Variants in AEBP1 observed in about 807,000 individuals in gnomAD.
The protein encoded by AEBP1 is AE binding protein 1, also known as adipocyte enhancer-binding protein 1.
AEBP1 carries 69 observed loss-of-function variants against 116.5 expected under a neutral mutation model. The observed-to-expected ratio is 0.59, with a 90% CI of 0.49 to 0.72. The LOEUF (loss-of-function observed/expected upper bound fraction) is 0.72, where lower values mean the gene tolerates loss of function less well. Among genes scored for constraint, AEBP1 ranks in the 30% least tolerant of loss-of-function variants. AEBP1 has a pLI of 0.00. For missense variants in AEBP1, 1,444 were observed against 1,557.5 expected, an observed-to-expected ratio of 0.93 and a Z score of 1.23; for synonymous variants, 627 against 627.3, an observed-to-expected ratio of 1.00 and a Z score of 0.01.
rs764989792 is a variant in AEBP1 at position 44,104,638 on chromosome 7, C to T, written c.-28C>T. 3 of 1,422,056 alleles carry T rather than the reference C, an allele frequency of 2.1e-6. No homozygotes were observed. In the South Asian group the frequency reaches 4.6e-5, roughly 22 times the overall value. 88.1% of individuals were successfully genotyped at this position (1,422,056 alleles called of 1,614,324 possible). On this transcript the variant is annotated 5_prime_UTR_variant, in exon 1 of 21. Coordinates refer to ENST00000223357, the MANE Select transcript of AEBP1 (RefSeq NM_001129.5). ...AGAGCCCCTGACCCCCCGCGCCCTC[C>T]CCGGAGCCCCCCGCGCGTGCCGCGG...
At position 44,113,083 on chromosome 7, in the gene AEBP1, C is replaced by T; in HGVS notation, c.2662C>T (p.Arg888Cys). 1 of 1,614,016 alleles carries T rather than the reference C, an allele frequency of 6.2e-7. No individual in the cohort carries two copies. Among genetic ancestry groups the T allele is most frequent in the Non-Finnish European group, 8.5e-7 (1 of 1,180,002 alleles). ...GTTCCCTCATGAGAGTGAGCTGCCC[C>T]GCGAGTGGGAGAACAACAAGGAGGC... ...DKFPHESELP[R>C]EWENNKEALL... is the part of the protein sequence containing the mutation. The change falls in exon 19 of 21, where the codon CGC becomes TGC. Residue 888 changes from arginine (R) to cysteine (C), a missense_variant. Transcript: ENST00000223357. This position sits in a 1 kb window ranked among gnomAD's most constrained non-coding sequence, Gnocchi z 5.3.
At chr7:44,109,415 G>A in intron 9 of AEBP1, 74 bp downstream of exon 9, 1 of 1,420,532 alleles carries the variant, frequency 7.0e-7, no homozygotes, top group East Asian at 2.3e-5. Context: ...CTGGCCCAAT[G>A]TCACAAACAG....
rs1410082819 is a variant in AEBP1 at position 44,107,767 on chromosome 7, A to G, written c.740-42A>G. 2 of 1,612,580 alleles carry G rather than the reference A, an allele frequency of 1.2e-6. No individual in the cohort carries two copies. Among genetic ancestry groups the G allele is most frequent in the Non-Finnish European group, 1.7e-6 (2 of 1,179,756 alleles). ...GCCTGGGGGATGTGCCAATGGGCCCATCCCAGCCTTGGGCCCCACTCTGAG... is the reference window on the plus strand; with the variant it reads ...GCCTGGGGGATGTGCCAATGGGCCCGTCCCAGCCTTGGGCCCCACTCTGAG... On this transcript the variant is annotated intron_variant, in intron 4 of 20. Transcript: ENST00000223357. This position sits in a 1 kb window ranked among gnomAD's most constrained non-coding sequence, Gnocchi z 4.3.
rs747658564 is a variant in AEBP1, at chr7:44,107,827, A to T, written c.758A>T (p.Gln253Leu). ...DYEDFEYIRR[Q>L]KQPRPPPSRR... is the part of the protein sequence containing the mutation. The stretch of plus-strand genomic sequence containing the variant: ...CCCTCAGTTGAGTACATTCGGCGCC[A>T]GAAGCAACCCAGGCCACCCCCAAGC... Residue 253 changes from glutamine to leucine, a missense_variant, in exon 5 of 21, where the codon CAG (glutamine) becomes CTG (leucine). Transcript: ENST00000223357. This position sits in a 1 kb window ranked among gnomAD's most constrained non-coding sequence, Gnocchi z 4.3. 1 of 1,611,722 alleles carries T rather than the reference A, an allele frequency of 6.2e-7. No individual in the cohort carries two copies. The highest frequency in any genetic ancestry group is 1.1e-5 in the South Asian group (1 of 90,962).
At position 44,110,985 on chromosome 7, in the gene AEBP1, A is replaced by T; in HGVS notation, c.1558A>T (p.Ile520Phe). The T allele has an allele frequency of 1.2e-6, 2 of 1,613,824 alleles. No homozygotes were observed. The highest frequency in any genetic ancestry group is 1.7e-6 in the Non-Finnish European group (2 of 1,179,968). Residue 520 changes from isoleucine (I) to phenylalanine (F), a missense_variant, in exon 13 of 21, where the codon ATC becomes TTC. Ile to Phe is a conservative substitution (Grantham distance 21). Transcript: ENST00000223357. ...CCCAGAGCCGGTGGTGGCTCGTTTC[A>T]TCCGCATCTACCCACTCACCTGGAA... Reference protein sequence around the residue: ...ELPEPVVARFIRIYPLTWNGS... With the variant: ...ELPEPVVARFFRIYPLTWNGS...
rs151068311 is a variant in AEBP1 at position 44,107,684 on chromosome 7, G to C, written c.723G>C (p.Arg241Ser). 3.1e-6 allele frequency: 5 copies of C among 1,613,634 alleles called. No homozygotes were observed. In the African/African-American group the frequency reaches 4.0e-5, roughly 13 times the overall value. ...TGGACTACAATGACCAGATCGAGAG[G>C]GAGGACTATGAGGACTGTGAGTAGG... is the stretch of plus-strand genomic sequence containing the variant. ...PTLDYNDQIEREDYEDFEYIR... is the reference protein window; with the variant it reads ...PTLDYNDQIESEDYEDFEYIR... The change falls in exon 4 of 21, where the codon AGG (arginine) becomes AGC (serine). Residue 241 changes from arginine to serine, a missense_variant. Physicochemically the swap from Arg to Ser is moderately radical, Grantham distance 110 (BLOSUM62 -1). Coordinates refer to ENST00000223357, the MANE Select transcript of AEBP1 (RefSeq NM_001129.5). This position sits in a 1 kb window ranked among gnomAD's most constrained non-coding sequence, Gnocchi z 4.3.
Position 44,114,012 on chromosome 7 carries a change from T to TG in AEBP1, c.3230dup (p.Trp1078LeufsTer7). On this transcript the variant is annotated frameshift_variant, in exon 21 of 21. Transcript: ENST00000223357. LOFTEE classifies it low-confidence loss of function (END_TRUNC). ...GGGGCCTCATACCGCCAACCACCGCTGGCTGGGAGGAGTCGGAGACTGAGA... is the reference window on the plus strand; with the variant it reads ...GGGGCCTCATACCGCCAACCACCGCTGGGCTGGGAGGAGTCGGAGACTGAGA... The TG allele has an allele frequency of 6.2e-7, 1 of 1,613,604 alleles. No individual in the cohort carries two copies. The highest frequency in any genetic ancestry group is 8.5e-7 in the Non-Finnish European group (1 of 1,179,834).
Position 44,111,085 on chromosome 7 carries a change from T to G in AEBP1, c.1630+28T>G, listed in dbSNP as rs775426211. On this transcript the variant is annotated intron_variant, in intron 13 of 20. Transcript: ENST00000223357. This position sits in a 1 kb window ranked among gnomAD's most constrained non-coding sequence, Gnocchi z 4.7. ...GAGTGTGGAGGGCTGGCAGGGGCTC[T>G]GAGTGGAGGTGGGGTGCTAGGGTGG... 1 of 1,598,684 alleles carries G rather than the reference T, an allele frequency of 6.3e-7. No homozygotes were observed. Among genetic ancestry groups the G allele is most frequent in the Non-Finnish European group, 8.5e-7 (1 of 1,170,576 alleles).
rs2096225111 is a variant in AEBP1, at chr7:44,108,137, G to A, written c.940+53G>A. The A allele has an allele frequency of 6.5e-6, 10 of 1,532,814 alleles. No homozygotes were observed. The highest frequency in any genetic ancestry group is 8.8e-6 in the Non-Finnish European group (10 of 1,132,260). The allele number at this position is 1,532,814 out of a possible 1,614,324, so 95.0% of individuals were successfully genotyped here. On this transcript the variant is annotated intron_variant, in intron 6 of 20. Coordinates refer to ENST00000223357, the MANE Select transcript of AEBP1 (RefSeq NM_001129.5). This position sits in a 1 kb window ranked among gnomAD's most constrained non-coding sequence, Gnocchi z 5.0. Reference sequence around the variant, plus strand: ...GGGACATAGGCAGGTGGGGGTCGGGGCTGGGGTGTGGTCAGGAGCCAGCTG... The same window carrying A: ...GGGACATAGGCAGGTGGGGGTCGGGACTGGGGTGTGGTCAGGAGCCAGCTG...
Position 44,104,742 on chromosome 7 carries a change from A to G in AEBP1, c.77A>G (p.Gln26Arg). The change falls in exon 1 of 21, where the codon CAG becomes CGG. Residue 26 changes from glutamine (Q) to arginine (R), a missense_variant. Transcript: ENST00000223357. ...GCCCTGTGCCCTGGAGGGCGCCCGC[A>G]GACGGTGCTGACCGACGACGAGATC... Reference protein sequence around the residue: ...LLALCPGGRPQTVLTDDEIEE... With the variant: ...LLALCPGGRPRTVLTDDEIEE... 6.2e-7 allele frequency: 1 copy of G among 1,611,348 alleles called. No homozygotes were observed. Among genetic ancestry groups the G allele is most frequent in the African/African-American group, 1.3e-5 (1 of 74,920 alleles).
In AEBP1 at chr7:44,111,238, A is replaced by G. The variant is rs894801248; in HGVS notation, c.1715A>G (p.Gln572Arg). 3 of 1,512,926 alleles carry G rather than the reference A, an allele frequency of 2.0e-6. No homozygotes were observed. The highest frequency in any genetic ancestry group is 2.7e-6 in the Non-Finnish European group (3 of 1,130,486). 93.7% of individuals were successfully genotyped at this position (1,512,926 alleles called of 1,614,324 possible). A position where few individuals can be genotyped will look rare whatever the true frequency, so the allele number is the denominator to read the frequency against. ...CACCACAGCTACAAGGACATGCGCCAGGTTGGGAGCATATATCCTGGGGCT... is the reference window on the plus strand; with the variant it reads ...CACCACAGCTACAAGGACATGCGCCGGGTTGGGAGCATATATCCTGGGGCT... ...FRHHSYKDMR[Q>R]LMKVVNEECP... The change falls in exon 14 of 21, where the codon CAG (glutamine) becomes CGG (arginine). Residue 572 changes from glutamine to arginine, a missense_variant and splice_region_variant. Coordinates refer to ENST00000223357, the MANE Select transcript of AEBP1 (RefSeq NM_001129.5). The surrounding 1 kb of genome is among the most constrained non-coding windows in gnomAD (Gnocchi z 4.7).
In AEBP1 at chr7:44,112,113, C is replaced by T. The variant is rs752804652; in HGVS notation, c.2038-29C>T. The T allele has an allele frequency of 6.9e-6, 11 of 1,597,918 alleles. No individual in the cohort carries two copies. The highest frequency in any genetic ancestry group is 8.6e-6 in the Non-Finnish European group (10 of 1,168,328). On this transcript the variant is annotated intron_variant, in intron 16 of 20. Coordinates refer to ENST00000223357, the MANE Select transcript of AEBP1 (RefSeq NM_001129.5). This position sits in a 1 kb window ranked among gnomAD's most constrained non-coding sequence, Gnocchi z 6.6. ...CTGGGGGTTGTGGGGGTGTGGGTAG[C>T]CGATGCCTACCCTGCTGGCTCCCCA... is the stretch of plus-strand genomic sequence containing the variant.
rs775327422 is a variant in AEBP1, at chr7:44,112,232, T to C, written c.2128T>C (p.Trp710Arg). Reference protein sequence around the residue: ...EDFPDLNSVLWGAEERKWVPY... With the variant: ...EDFPDLNSVLRGAEERKWVPY... ...TTTCCCGGATCTCAACTCTGTGCTC[T>C]GGGGAGCTGAGGAGAGGAAATGGGT... is the stretch of plus-strand genomic sequence containing the variant. Residue 710 changes from tryptophan to arginine, a missense_variant, in exon 17 of 21, where the codon TGG becomes CGG. Physicochemically the swap from Trp to Arg is moderately radical, Grantham distance 101. Coordinates refer to ENST00000223357, the MANE Select transcript of AEBP1 (RefSeq NM_001129.5). The surrounding 1 kb of genome is among the most constrained non-coding windows in gnomAD (Gnocchi z 6.6). 1.2e-6 allele frequency: 2 copies of C among 1,608,980 alleles called. No homozygotes were observed. Among genetic ancestry groups the C allele is most frequent in the South Asian group, 1.1e-5 (1 of 90,918 alleles).
In AEBP1 at chr7:44,110,993, C is replaced by T. The variant is rs1229622413; in HGVS notation, c.1566C>T (p.Ile522=). The T allele has an allele frequency of 1.2e-6, 2 of 1,613,970 alleles. No individual in the cohort carries two copies. Among genetic ancestry groups the T allele is most frequent in the Non-Finnish European group, 1.7e-6 (2 of 1,179,972 alleles). Residue 522 remains isoleucine, a synonymous_variant, in exon 13 of 21, where the codon ATC becomes ATT. Coordinates refer to ENST00000223357, the MANE Select transcript of AEBP1 (RefSeq NM_001129.5). ...PEPVVARFIR[I]YPLTWNGSLC... ...CGGTGGTGGCTCGTTTCATCCGCATCTACCCACTCACCTGGAATGGCAGCC... is the reference window on the plus strand; with the variant it reads ...CGGTGGTGGCTCGTTTCATCCGCATTTACCCACTCACCTGGAATGGCAGCC...
chr7:44,109,289 G>A lies in AEBP1; in HGVS notation c.1098G>A (p.Glu366=). 1 of 1,522,068 alleles carries A rather than the reference G, an allele frequency of 6.6e-7. No homozygotes were observed. Among genetic ancestry groups the A allele is most frequent in the Non-Finnish European group, 8.9e-7 (1 of 1,124,904 alleles). 94.3% of individuals were successfully genotyped at this position (1,522,068 alleles called of 1,614,324 possible). The change falls in exon 9 of 21, where the codon GAG becomes GAA. Residue 366 remains glutamate, a splice_region_variant and synonymous_variant. Coordinates refer to ENST00000223357, the MANE Select transcript of AEBP1 (RefSeq NM_001129.5). The stretch of plus-strand genomic sequence containing the variant: ...ATGTCCTCCCTTCATTGTCCCTAGA[G>A]CCCCGAAAGGGCGAGGAGTTGGAGG... ...WAVEKGKDHK[E]PRKGEELEEE...
At position 44,112,159 on chromosome 7, in the gene AEBP1, C is replaced by G; in HGVS notation, c.2055C>G (p.Asn685Lys). The G allele has an allele frequency of 6.3e-7, 1 of 1,598,842 alleles. No individual in the cohort carries two copies. Among genetic ancestry groups the G allele is most frequent in the Non-Finnish European group, 8.6e-7 (1 of 1,169,026 alleles). Residue 685 changes from asparagine (N) to lysine (K), a missense_variant, in exon 17 of 21, where the codon AAC becomes AAG. By Grantham distance (94) the Asn-to-Lys change is moderately conservative (BLOSUM62 0). Coordinates refer to ENST00000223357, the MANE Select transcript of AEBP1 (RefSeq NM_001129.5). This position sits in a 1 kb window ranked among gnomAD's most constrained non-coding sequence, Gnocchi z 6.6. ...VAAQMGSEFG[N>K]WALGLWTEEG... is the part of the protein sequence containing the mutation. Reference sequence around the variant, plus strand: ...CCCCACAGGGCTCAGAGTTTGGGAACTGGGCGCTGGGACTGTGGACTGAGG... The same window carrying G: ...CCCCACAGGGCTCAGAGTTTGGGAAGTGGGCGCTGGGACTGTGGACTGAGG...
In AEBP1 at chr7:44,108,954, A is replaced by G. The variant is rs2595701; in HGVS notation, c.996A>G (p.Thr332=). The change falls in exon 7 of 21, where the codon ACA becomes ACG. Residue 332 remains threonine (T), a synonymous_variant. Coordinates refer to ENST00000223357, the MANE Select transcript of AEBP1 (RefSeq NM_001129.5). The surrounding 1 kb of genome is among the most constrained non-coding windows in gnomAD (Gnocchi z 5.0). The part of the protein sequence containing the change: ...PPQKPDAERQ[T]DEEKEELKKP... ...AGAAGCCCGATGCTGAGCGCCAGAC[A>G]GACGAAGAGAAGGAGGAGCTGAGTG... 1,114,647 of 1,600,880 alleles carry G rather than the reference A, an allele frequency of 0.7. 390,294 individuals are homozygous for G. The highest frequency in any genetic ancestry group is 0.86 in the African/African-American group (64,546 of 74,680).
Position 44,113,009 on chromosome 7 carries a change from A to T in AEBP1, c.2588A>T (p.Tyr863Phe). 1 of 1,614,042 alleles carries T rather than the reference A, an allele frequency of 6.2e-7. No individual in the cohort carries two copies. Among genetic ancestry groups the T allele is most frequent in the Non-Finnish European group, 8.5e-7 (1 of 1,179,992 alleles). Residue 863 changes from tyrosine (Y) to phenylalanine (F), a missense_variant, in exon 19 of 21, where the codon TAC (tyrosine) becomes TTC (phenylalanine). By Grantham distance (22) the Tyr-to-Phe change is conservative. Transcript: ENST00000223357. The surrounding 1 kb of genome is among the most constrained non-coding windows in gnomAD (Gnocchi z 5.3). The part of the protein sequence containing the change: ...PRTGTINDFS[Y>F]LHTNCLELSF... The stretch of plus-strand genomic sequence containing the variant: ...CGGCCAGCTATCAATGACTTCAGTT[A>T]CCTGCATACCAACTGCCTGGAGCTC...
rs1408208534 is a variant in AEBP1 at position 44,104,428 on chromosome 7, C to T, written c.-238C>T. 2 of 365,830 alleles carry T rather than the reference C, an allele frequency of 5.5e-6. No individual in the cohort carries two copies. Among genetic ancestry groups the T allele is most frequent in the South Asian group, 1.3e-4 (1 of 7,458 alleles). The allele number at this position is 365,830 out of a possible 1,614,324, so 22.7% of individuals were successfully genotyped here. ...TATTAGCCGCCAGGACCTCGGAGCG[C>T]CCCGACCACCCCTGAGCCCCTCTGG... is the stretch of plus-strand genomic sequence containing the variant. On this transcript the variant is annotated 5_prime_UTR_variant, in exon 1 of 21. Coordinates refer to ENST00000223357, the MANE Select transcript of AEBP1 (RefSeq NM_001129.5).
Sources: allele counts gnomAD v4.1 joint callset, GRCh38; gene constraint gnomAD v4.1.1; non-coding constraint Gnocchi (gnomAD v3.1); transcripts MANE v1.5; gene names NCBI Gene and HGNC (gene_info 2026-07-23, HGNC 2026-07-21).